Variants in SERPINA9 observed in about 807,000 individuals in gnomAD.
SERPINA9 encodes serpin family A member 9, also known as serpin A9.
In SERPINA9, 32 loss-of-function variants were observed where a neutral mutation model predicts 24.5. That is an observed-to-expected ratio of 1.30 (90% CI 0.98 to 1.75). SERPINA9 has a LOEUF of 1.75. Among genes scored for constraint, SERPINA9 ranks in the 40% most tolerant of loss-of-function variants. SERPINA9 has a pLI of 0.00. For missense variants in SERPINA9, 594 were observed against 497.1 expected, an observed-to-expected ratio of 1.19 and a Z score of -1.85; for synonymous variants, 233 against 197.7, an observed-to-expected ratio of 1.18 and a Z score of -1.50.
chr14:94,469,997 G>A, intron 1 of SERPINA9, 140 bp from the exon 2 acceptor site: 3 of 712,834 alleles, frequency 4.2e-6, no homozygotes, highest in Non-Finnish European at 6.5e-6. Flanking sequence ...CATAATCTCT[G>A]AGCCTCACAA....
intron 1 of SERPINA9, among the ~76,000 whole-genome samples, chr14:94,474,024 G>T (rs12896629): frequency 0.63 from 96,166 of 152,040 alleles, 30,595 homozygotes; most frequent in East Asian, 0.71. Context: ...ATGATTTTGT[G>T]TCCCTCCCTT....
chr14:94,475,554 C>A (rs1899566896), intron 1 of SERPINA9, among the ~76,000 whole-genome samples: 1 of 152,190 alleles, frequency 6.6e-6, no homozygotes. Flanking sequence ...ATCCTCTCTG[C>A]CTATCCCTAC....
At position 94,463,284 on chromosome 14, in the gene SERPINA9, C is replaced by T; in HGVS notation, c.1063G>A (p.Ala355Thr). The T allele has an allele frequency of 6.2e-7, 1 of 1,614,016 alleles. No homozygotes were observed. Among genetic ancestry groups the T allele is most frequent in the South Asian group, 1.1e-5 (1 of 91,072 alleles). The stretch of plus-strand genomic sequence containing the variant: ...CCCTCTTCACTGACATCCAGCACAG[C>T]CTTGTGGGTTGCCTGCCAAGGGAAA... ...SLQVSKATHKAVLDVSEEGTE... is the reference protein window; with the variant it reads ...SLQVSKATHKTVLDVSEEGTE... Residue 355 changes from alanine to threonine, a missense_variant, in exon 5 of 5, where the codon GCT (alanine) becomes ACT (threonine). Coordinates refer to ENST00000674397, the MANE Select transcript of SERPINA9 (RefSeq NM_175739.4).
At chr14:94,467,696 T>A (rs1899075813) in intron 2 of SERPINA9, among the ~76,000 whole-genome samples, 1 of 152,222 alleles carries the variant, frequency 6.6e-6, no homozygotes, top group Non-Finnish European at 1.5e-5. Context: ...TCTTTCCTCT[T>A]TGCAGGATGG....
At chr14:94,471,990 T>C (rs953113371) in intron 1 of SERPINA9, among the ~76,000 whole-genome samples, 10 of 152,150 alleles carry the variant, frequency 6.6e-5, no homozygotes, top group Admixed American at 5.2e-4. Context: ...CAAAACGTTT[T>C]TCTTAAGAAA....
Position 94,476,134 on chromosome 14 carries a change from A to AC in SERPINA9, c.-18+1dup. 1.2e-6 allele frequency: 2 copies of AC among 1,613,182 alleles called. No individual in the cohort carries two copies. Among genetic ancestry groups the AC allele is most frequent in the Non-Finnish European group, 8.5e-7 (1 of 1,179,776 alleles). The stretch of plus-strand genomic sequence containing the variant: ...ATCTCTCTGCACCTCCTCCTTACCC[A>AC]CCTTTGCAGGTTCCTCTTCTCCTGC... On this transcript the variant is annotated splice_donor_variant, in intron 1 of 4. Transcript: ENST00000674397. LOFTEE classifies it low-confidence loss of function (5UTR_SPLICE).
At chr14:94,476,012 T>G (rs974092178) in intron 1 of SERPINA9, 124 bp downstream of exon 1, 1 of 1,459,204 alleles carries the variant, frequency 6.9e-7, no homozygotes, top group Non-Finnish European at 9.5e-7. Flanking sequence ...CTAATGTGTC[T>G]AGGTTCTCAT....
chr14:94,470,176 G>C, intron 1 of SERPINA9: 1 of 1,079,306 alleles, frequency 9.3e-7, no homozygotes. Flanking sequence ...TGATGTTTCT[G>C]CTTCATGGAC....
At chr14:94,467,464 T>C in intron 2 of SERPINA9, 82 bp from the exon 3 acceptor site, 3 of 1,297,872 alleles carry the variant, frequency 2.3e-6, no homozygotes, top group Non-Finnish European at 3.2e-6. Flanking sequence ...GGGGAATTAC[T>C]TCTAGTGGGT....
Position 94,467,213 on chromosome 14 carries a change from A to C in SERPINA9, c.798T>G (p.Asp266Glu), listed in dbSNP as rs368986283. The change falls in exon 3 of 5, where the codon GAT becomes GAG. Residue 266 changes from aspartate (D) to glutamate (E), a missense_variant. Coordinates refer to ENST00000674397, the MANE Select transcript of SERPINA9 (RefSeq NM_175739.4). Reference protein sequence around the residue: ...CFVLQMDYKGDAVAFFVLPSK... With the variant: ...CFVLQMDYKGEAVAFFVLPSK... ...TAGGGAGGACAAAGAAGGCCACGGC[A>C]TCTCCCTTGTAATCCATCTGCAGCA... 1.2e-6 allele frequency: 2 copies of C among 1,614,124 alleles called. No individual in the cohort carries two copies. The highest frequency in any genetic ancestry group is 1.7e-6 in the Non-Finnish European group (2 of 1,180,052).
intron 1 of SERPINA9, among the ~76,000 whole-genome samples, chr14:94,475,733 G>C (rs77309370): frequency 1.3e-5 from 2 of 152,198 alleles, no homozygotes; most frequent in South Asian, 2.1e-4. Flanking sequence ...TCCCTCTCAA[G>C]CTGATCCTTG....
intron 4 of SERPINA9, among the ~76,000 whole-genome samples, chr14:94,463,865 C>T (rs918165089): frequency 2.0e-5 from 3 of 152,190 alleles, no homozygotes; most frequent in Non-Finnish European, 2.9e-5. Context: ...CACAGATACA[C>T]TTTCCTCGAG....
rs1397098137 is a variant in SERPINA9, at chr14:94,475,431, CACACAT to C, written c.-18+699_-18+704del. On this transcript the variant is annotated intron_variant, in intron 1 of 4. Transcript: ENST00000674397. Reference sequence around the variant, plus strand: ...GTGTGCCTACATGTGCACACACACACACACATACACACACACACACACACACACACA... The same window carrying C: ...GTGTGCCTACATGTGCACACACACACACACACACACACACACACACACACA... Among the ~76,000 whole-genome samples the C allele has an allele frequency of 9.9e-5, 7 of 70,800 alleles. No individual in the cohort carries two copies. The South Asian group carries it at 1.4e-3, about 14-fold the overall frequency. The allele number at this position is 70,800 out of a possible 152,430, so 46.4% of individuals were successfully genotyped here.
chr14:94,474,928 T>C (rs1341677511), intron 1 of SERPINA9, among the ~76,000 whole-genome samples: 3 of 152,216 alleles, frequency 2.0e-5, no homozygotes, highest in Admixed American at 1.3e-4. Flanking sequence ...TGGCTCCCCA[T>C]TGAGCTCAGA....
intron 4 of SERPINA9, chr14:94,464,299 CT>C (rs756509755): frequency 0.016 from 3,466 of 212,540 alleles, 114 homozygotes; most frequent in East Asian, 0.026. Context: ...CTCTCTCTCT[CT>C]CTCTCTCTCT....
chr14:94,473,245 G>C (rs1337793812), intron 1 of SERPINA9, among the ~76,000 whole-genome samples: 4 of 152,212 alleles, frequency 2.6e-5, no homozygotes, highest in African/African-American at 4.8e-5. Flanking sequence ...TGGGGTGGTG[G>C]CTGGGCGCGG....
chr14:94,469,993 C>T, intron 1 of SERPINA9, 136 bp from the exon 2 acceptor site: 1 of 724,534 alleles, frequency 1.4e-6, no homozygotes, highest in East Asian at 2.8e-5. Flanking sequence ...CTCACATAAT[C>T]TCTGAGCCTC....
chr14:94,465,474 A>AT lies in SERPINA9; in HGVS notation c.903-621dup, dbSNP rs200491059. ...GCACCACCTGATAATTTAGCACAAT[A>AT]TTTTTTTTCCTCTGCAATGGTTTCC... is the stretch of plus-strand genomic sequence containing the variant. On this transcript the variant is annotated intron_variant, in intron 3 of 4. Coordinates refer to ENST00000674397, the MANE Select transcript of SERPINA9 (RefSeq NM_175739.4). Among the ~76,000 whole-genome samples, 4 of 152,170 alleles carry AT rather than the reference A, an allele frequency of 2.6e-5. No homozygotes were observed. In the East Asian group the frequency reaches 7.7e-4, roughly 29 times the overall value.
intron 1 of SERPINA9, chr14:94,475,905 A>C (rs1001206667): frequency 8.6e-6 from 5 of 578,388 alleles, no homozygotes; most frequent in East Asian, 2.8e-5. Context: ...CTGTGTATTC[A>C]TGGTCTCTGT....
Sources: gnomAD v4.1 joint callset for allele counts (sites outside exome capture counted in the v4.1 genomes callset) on GRCh38, gnomAD v4.1.1 for gene constraint, MANE v1.5 for transcripts, NCBI Gene and HGNC (gene_info 2026-07-23, HGNC 2026-07-21) for gene names.